TNS1: variants seen among roughly 807,000 people sequenced by gnomAD.
The protein encoded by TNS1 is tensin-1.
In TNS1, 62 loss-of-function variants were observed where a neutral mutation model predicts 168.6. That is an observed-to-expected ratio of 0.37 (90% CI 0.30 to 0.45). The LOEUF is 0.45. Ranked by LOEUF, TNS1 falls within the 20% of genes least tolerant of loss-of-function variation. The pLI, the probability that TNS1 is intolerant of heterozygous loss-of-function variation, is 1.00. For missense variants in TNS1, 2,240 were observed against 2,339.4 expected (o/e 0.96, Z 0.88); for synonymous variants, 934 against 933.2 (o/e 1.00, Z -0.02).
intron 1 of TNS1, 111 bp from the exon 2 acceptor site, chr2:217,991,167 A>C (rs893552633): frequency 4.2e-6 from 2 of 473,098 alleles, no homozygotes; most frequent in Non-Finnish European, 7.7e-6. Flanking sequence ...GGATGGCAAG[A>C]GCCCCTCAGG....
intron 18 of TNS1, among the ~76,000 whole-genome samples, chr2:217,859,946 C>A (rs1948626315): frequency 6.6e-6 from 1 of 152,186 alleles, no homozygotes; most frequent in African/African-American, 2.4e-5. Context: ...AATCTCCCAA[C>A]CCAATTCTCA....
At position 217,961,802 on chromosome 2, in the gene TNS1, A is replaced by G. The variant is rs182873390; in HGVS notation, c.186+16963T>C. Among the ~76,000 whole-genome samples, 562 of 152,300 alleles carry G rather than the reference A, an allele frequency of 3.7e-3. 1 individual carries two copies. The highest frequency in any genetic ancestry group is 7.7e-3 in the Admixed American group (118 of 15,298). On this transcript the variant is annotated intron_variant, in intron 3 of 32. Coordinates refer to ENST00000682258, the MANE Select transcript of TNS1 (RefSeq NM_001387777.1). ...ATGATGAGTTCTCTGTATCAACTTG[A>G]CTAGGCTATAGTACCCAGTGATTTA...
chr2:217,956,972 G>A (rs921868136), intron 3 of TNS1, among the ~76,000 whole-genome samples: 14 of 152,222 alleles, frequency 9.2e-5, no homozygotes, highest in East Asian at 7.7e-4. Context: ...CTAAGGAGAC[G>A]GGATCAGGGA....
chr2:217,943,216 G>A (rs932150921), intron 3 of TNS1, among the ~76,000 whole-genome samples: 1 of 152,182 alleles, frequency 6.6e-6, no homozygotes, highest in African/African-American at 2.4e-5. Flanking sequence ...ACTTCTGCCA[G>A]TCTGTGCCCA....
intron 18 of TNS1, among the ~76,000 whole-genome samples, chr2:217,874,778 T>C (rs1198084708): frequency 6.6e-6 from 1 of 152,250 alleles, no homozygotes; most frequent in Admixed American, 6.5e-5. Flanking sequence ...TATTACCTCA[T>C]TGTATATCAG....
chr2:217,932,872 G>A (rs1009310627), intron 3 of TNS1, among the ~76,000 whole-genome samples: 1 of 152,198 alleles, frequency 6.6e-6, no homozygotes, highest in African/African-American at 2.4e-5. Flanking sequence ...GCAGCGACAG[G>A]AGGCAGTGCA....
chr2:217,910,475 C>T (rs1954242878), intron 4 of TNS1, among the ~76,000 whole-genome samples: 1 of 152,132 alleles, frequency 6.6e-6, no homozygotes, highest in African/African-American at 2.4e-5. Context: ...CCCAACACTT[C>T]CAGCCTTGGG....
chr2:217,885,540 G>A (rs1023690759), intron 15 of TNS1, among the ~76,000 whole-genome samples: 28 of 152,228 alleles, frequency 1.8e-4, no homozygotes, highest in African/African-American at 6.3e-4. Flanking sequence ...CCCTGGAGAT[G>A]CTCCAGAACA....
intron 3 of TNS1, among the ~76,000 whole-genome samples, chr2:217,966,856 C>A (rs776035175): frequency 1.3e-5 from 2 of 152,212 alleles, no homozygotes; most frequent in Non-Finnish European, 2.9e-5. Flanking sequence ...GACTCTCAGA[C>A]CCGAGCAGGA....
At chr2:217,816,496 G>A (rs922810940) in intron 24 of TNS1, among the ~76,000 whole-genome samples, 2 of 152,166 alleles carry the variant, frequency 1.3e-5, no homozygotes, top group African/African-American at 2.4e-5. Context: ...CCTGGCAGCC[G>A]TGTGCTAAGG....
At chr2:217,826,182 T>C (rs1943590547) in intron 22 of TNS1, among the ~76,000 whole-genome samples, 1 of 152,204 alleles carries the variant, frequency 6.6e-6, no homozygotes, top group Non-Finnish European at 1.5e-5. Flanking sequence ...AACGAAGCCC[T>C]TCCATACAAT....
Position 217,822,460 on chromosome 2 carries a change from C to T in TNS1, c.3374-522G>A, listed in dbSNP as rs553563163. Among the ~76,000 whole-genome samples, 6 of 152,260 alleles carry T rather than the reference C, an allele frequency of 3.9e-5. No homozygotes were observed. In the East Asian group the frequency reaches 7.7e-4, roughly 20 times the overall value. Reference sequence around the variant, plus strand: ...CAGGCCTGCACTGGTGAGTCTTGCCCTGTGGGGCTGCTGTAGACTCACCAG... The same window carrying T: ...CAGGCCTGCACTGGTGAGTCTTGCCTTGTGGGGCTGCTGTAGACTCACCAG... On this transcript the variant is annotated intron_variant, in intron 22 of 32. Transcript: ENST00000682258.
At chr2:217,962,424 C>T (rs1957522790) in intron 3 of TNS1, among the ~76,000 whole-genome samples, 1 of 152,124 alleles carries the variant, frequency 6.6e-6, no homozygotes, top group Non-Finnish European at 1.5e-5. Context: ...GCCTGGGCAA[C>T]AGGAGCGAAA....
At position 217,813,654 on chromosome 2, in the gene TNS1, TC is replaced by T; in HGVS notation, c.4861+30del. 1 of 1,587,764 alleles carries T rather than the reference TC, an allele frequency of 6.3e-7. No individual in the cohort carries two copies. On this transcript the variant is annotated intron_variant, in intron 26 of 32. Coordinates refer to ENST00000682258, the MANE Select transcript of TNS1 (RefSeq NM_001387777.1). This position sits in a 1 kb window ranked among gnomAD's most constrained non-coding sequence, Gnocchi z 4.0. The stretch of plus-strand genomic sequence containing the variant: ...TTTAGCGACTGTAAAGCTCACCTGG[TC>T]CTGAGCCCCATTCTGGGAGATGAGG...
chr2:217,902,180 A>G (rs1194738569), intron 6 of TNS1, among the ~76,000 whole-genome samples: 1 of 152,102 alleles, frequency 6.6e-6, no homozygotes, highest in African/African-American at 2.4e-5. Context: ...CCCTCAGAGG[A>G]ACACAGAAAC....
chr2:217,891,495 C>T (rs996514897), intron 11 of TNS1, among the ~76,000 whole-genome samples: 5 of 152,166 alleles, frequency 3.3e-5, no homozygotes, highest in Admixed American at 1.3e-4. Context: ...AGTAAAGGTG[C>T]AGCCTCATCT....
intron 3 of TNS1, among the ~76,000 whole-genome samples, chr2:217,921,271 G>T (rs141205616): frequency 6.6e-6 from 1 of 152,294 alleles, no homozygotes; most frequent in Non-Finnish European, 1.5e-5. Flanking sequence ...GCACAGAGTG[G>T]GAGACTGTCC....
At chr2:217,914,319 G>A (rs1197133901) in intron 4 of TNS1, among the ~76,000 whole-genome samples, 1 of 152,194 alleles carries the variant, frequency 6.6e-6, no homozygotes, top group African/African-American at 2.4e-5. Context: ...GGGGATTACA[G>A]GGGAGGTATT....
chr2:217,992,075 A>G (rs1958381874), intron 1 of TNS1, among the ~76,000 whole-genome samples: 1 of 152,072 alleles, frequency 6.6e-6, no homozygotes, highest in South Asian at 2.1e-4. Context: ...ACATGCTCTA[A>G]GATGCAAAGC....
Sources: allele counts gnomAD v4.1 joint callset (sites outside exome capture counted in the v4.1 genomes callset), GRCh38; gene constraint gnomAD v4.1.1; non-coding constraint Gnocchi (gnomAD v3.1); transcripts MANE v1.5; gene names NCBI Gene and HGNC (gene_info 2026-07-23, HGNC 2026-07-21).